USP24: variants seen among roughly 807,000 people sequenced by gnomAD.
The protein encoded by USP24 is ubiquitin carboxyl-terminal hydrolase 24.
In USP24, 97 loss-of-function variants were observed where a neutral mutation model predicts 361.6. That is an observed-to-expected ratio of 0.27 (90% CI 0.23 to 0.32). The LOEUF (loss-of-function observed/expected upper bound fraction) is 0.32, where lower values mean the gene tolerates loss of function less well. Ranked by LOEUF, USP24 falls within the 10% of genes least tolerant of loss-of-function variation. The probability of loss-of-function intolerance (pLI) is 1.00; values close to 1 mark genes in which losing one functional copy is unlikely to be tolerated. For synonymous variants in USP24, 1,098 were observed against 1,124.6 expected (o/e 0.98, Z 0.47); for missense variants, 2,353 against 3,165.6 (o/e 0.74, Z 6.16).
Position 55,142,084 on chromosome 1 carries a change from G to A in USP24, c.2635-353C>T, listed in dbSNP as rs191660924. On this transcript the variant is annotated intron_variant, in intron 23 of 67. Coordinates refer to ENST00000294383, the MANE Select transcript of USP24 (RefSeq NM_015306.3). ...TAGAAGTCACAATTAGGGAAATACC[G>A]TACATATTCTAGCACATATTTATCA... is the stretch of plus-strand genomic sequence containing the variant. Among the ~76,000 whole-genome samples the A allele has an allele frequency of 2.7e-4, 41 of 152,218 alleles. No homozygotes were observed. The East Asian group carries it at 3.9e-3, about 14-fold the overall frequency.
At chr1:55,181,520 C>G (rs976708280) in intron 1 of USP24, among the ~76,000 whole-genome samples, 9 of 152,288 alleles carry the variant, frequency 5.9e-5, no homozygotes, top group Middle Eastern at 3.4e-3. Flanking sequence ...AGTTTTAAAT[C>G]TGCACACATG....
At chr1:55,103,630 G>A (rs759207040) in intron 42 of USP24, among the ~76,000 whole-genome samples, 15 of 152,136 alleles carry the variant, frequency 9.9e-5, no homozygotes, top group Non-Finnish European at 1.9e-4. Context: ...ACTTTTTACT[G>A]AGAATAACTA....
chr1:55,116,980 G>A (rs998549497), intron 38 of USP24, among the ~76,000 whole-genome samples: 1 of 152,092 alleles, frequency 6.6e-6, no homozygotes, highest in African/African-American at 2.4e-5. Context: ...GCATTTAAAG[G>A]ATTACACCCC....
chr1:55,197,091 C>A (rs544797076), intron 1 of USP24, among the ~76,000 whole-genome samples: 1 of 152,348 alleles, frequency 6.6e-6, no homozygotes, highest in African/African-American at 2.4e-5. Context: ...AGGCCTGTTA[C>A]AGAAAACTTT....
chr1:55,109,756 A>G (rs1371178238), intron 39 of USP24, among the ~76,000 whole-genome samples: 3 of 152,164 alleles, frequency 2.0e-5, no homozygotes, highest in Non-Finnish European at 1.5e-5. Flanking sequence ...ATCTCAGCAC[A>G]CTAACAAAAG....
intron 31 of USP24, 42 bp downstream of exon 31, chr1:55,132,503 T>C (rs1646621364): frequency 1.3e-6 from 2 of 1,577,460 alleles, no homozygotes; most frequent in South Asian, 1.2e-5. Flanking sequence ...TAAATCCAAA[T>C]AGACCTGTCA....
At position 55,101,816 on chromosome 1, in the gene USP24, T is replaced by C. The variant is rs542357014; in HGVS notation, c.5026-113A>G. The C allele has an allele frequency of 3.0e-6, 4 of 1,346,362 alleles. No individual in the cohort carries two copies. In the African/African-American group the frequency reaches 6.0e-5, roughly 20 times the overall value. 83.4% of individuals were successfully genotyped at this position (1,346,362 alleles called of 1,614,324 possible). On this transcript the variant is annotated intron_variant, in intron 42 of 67. Coordinates refer to ENST00000294383, the MANE Select transcript of USP24 (RefSeq NM_015306.3). ...TATTCACAGATTTACCCATCCAGCA[T>C]GTTATGAAAGCTATGCTGGCAAAAC...
intron 39 of USP24, among the ~76,000 whole-genome samples, chr1:55,108,147 A>G (rs1645843869): frequency 6.6e-6 from 1 of 152,154 alleles, no homozygotes; most frequent in Non-Finnish European, 1.5e-5. Flanking sequence ...GTGTTACCTG[A>G]ACCAAGGGAG....
chr1:55,193,988 T>C (rs2100888768), intron 1 of USP24, among the ~76,000 whole-genome samples: 1 of 152,272 alleles, frequency 6.6e-6, no homozygotes, highest in South Asian at 2.1e-4. Flanking sequence ...CAATTCCTCC[T>C]AAAATTGGTA....
chr1:55,069,192 TC>T, intron 67 of USP24, 85 bp from the exon 68 acceptor site: 1 of 1,365,194 alleles, frequency 7.3e-7, no homozygotes, highest in South Asian at 1.2e-5. Flanking sequence ...TTTAAACATG[TC>T]TTCATCTGGC....
rs906645182 is a variant in USP24, at chr1:55,072,774, A to G, written c.7602+12T>C. ...CCTATGTTACAGCTAGAAAAATTCA[A>G]TGTTCAGTTACCTTCTTCTGTAGCC... On this transcript the variant is annotated intron_variant, in intron 65 of 67. Coordinates refer to ENST00000294383, the MANE Select transcript of USP24 (RefSeq NM_015306.3). The G allele has an allele frequency of 4.4e-6, 7 of 1,583,184 alleles. No individual in the cohort carries two copies. Among genetic ancestry groups the G allele is most frequent in the African/African-American group, 2.7e-5 (2 of 74,256 alleles).
At chr1:55,185,821 A>C (rs1644115467) in intron 1 of USP24, among the ~76,000 whole-genome samples, 1 of 152,052 alleles carries the variant, frequency 6.6e-6, no homozygotes, top group Admixed American at 6.6e-5. Flanking sequence ...CTCCCAGCTC[A>C]GGCTTCCAAA....
Position 55,124,608 on chromosome 1 carries a change from G to A in USP24, c.3981C>T (p.Phe1327=), listed in dbSNP as rs780782286. Residue 1327 remains phenylalanine, a synonymous_variant, in exon 35 of 68, where the codon TTC becomes TTT. Coordinates refer to ENST00000294383, the MANE Select transcript of USP24 (RefSeq NM_015306.3). ...TCATGAAGCAAGCCACAGTAGAAGT[G>A]AAATCACTTACTTCCATTGTCTAAA... The part of the protein sequence containing the change: ...VAIQTMEVSD[F]TSTVACFMRL... 4 of 1,613,922 alleles carry A rather than the reference G, an allele frequency of 2.5e-6. No individual in the cohort carries two copies. Among genetic ancestry groups the A allele is most frequent in the Non-Finnish European group, 2.5e-6 (3 of 1,179,884 alleles).
At chr1:55,089,450 G>C (rs1645326630) in intron 55 of USP24, among the ~76,000 whole-genome samples, 177 bp downstream of exon 55, 1 of 152,176 alleles carries the variant, frequency 6.6e-6, no homozygotes, top group Non-Finnish European at 1.5e-5. Context: ...ATACTTGCCT[G>C]AGATGATTTT....
At chr1:55,124,650 A>ATG in intron 34 of USP24, 22 bp from the exon 35 acceptor site, 3 of 1,612,740 alleles carry the variant, frequency 1.9e-6, no homozygotes, top group Non-Finnish European at 2.5e-6. Flanking sequence ...AACAAGTATT[A>ATG]TGAGAAAGAG....
rs981737408 is a variant in USP24 at position 55,096,922 on chromosome 1, T to C, written c.5936+30A>G. ...ACGGAGAGCAGGGGAGGGCAGAAAGTGAGTAAGTGCTGCCTCAGGAAACTC... is the reference window on the plus strand; with the variant it reads ...ACGGAGAGCAGGGGAGGGCAGAAAGCGAGTAAGTGCTGCCTCAGGAAACTC... On this transcript the variant is annotated intron_variant, in intron 49 of 67. Coordinates refer to ENST00000294383, the MANE Select transcript of USP24 (RefSeq NM_015306.3). 9 of 1,600,460 alleles carry C rather than the reference T, an allele frequency of 5.6e-6. No homozygotes were observed. The Admixed American group carries it at 1.4e-4, about 24-fold the overall frequency.
chr1:55,155,024 C>T (rs60981409), intron 12 of USP24, among the ~76,000 whole-genome samples: 4 of 148,302 alleles, frequency 2.7e-5, no homozygotes, highest in African/African-American at 5.2e-5. Context: ...AAAAAAAAAA[C>T]CCCATGAGAA....
Position 55,159,006 on chromosome 1 carries a change from C to T in USP24, c.1099G>A (p.Ala367Thr). 1.3e-6 allele frequency: 2 copies of T among 1,574,076 alleles called. No individual in the cohort carries two copies. Among genetic ancestry groups the T allele is most frequent in the Non-Finnish European group, 8.6e-7 (1 of 1,157,710 alleles). Residue 367 changes from alanine to threonine, a missense_variant, in exon 10 of 68, where the codon GCC (alanine) becomes ACC (threonine). Physicochemically the swap from Ala to Thr is moderately conservative, Grantham distance 58. Coordinates refer to ENST00000294383, the MANE Select transcript of USP24 (RefSeq NM_015306.3). ...RLVSIPELLS[A>T]VKLLCMRFQP... ...AAGCGCATGCAAAGTAACTTAACGG[C>T]AGACAAGAGCTCAGGGATGCTAACC...
Position 55,099,779 on chromosome 1 carries a change from A to C in USP24, c.5362T>G (p.Tyr1788Asp). 2 of 1,554,278 alleles carry C rather than the reference A, an allele frequency of 1.3e-6. No individual in the cohort carries two copies. The highest frequency in any genetic ancestry group is 1.7e-6 in the Non-Finnish European group (2 of 1,147,662). Residue 1788 changes from tyrosine to aspartate, a missense_variant, in exon 45 of 68, where the codon TAC becomes GAC. This residue lies in a region of USP24 where 105 missense variants were observed against 200.3 expected (regional missense o/e 0.52). Transcript: ENST00000294383. The part of the protein sequence containing the change: ...FTSLIDQMDE[Y>D]LKKMGRDQIF... ...AGTACAACTTTTACTACCTTGAGGT[A>C]TTCATCCATCTGATCAATGAGACTA...
Sources: gnomAD v4.1 joint callset for allele counts (sites outside exome capture counted in the v4.1 genomes callset) on GRCh38, gnomAD v4.1.1 for gene constraint, gnomAD v4.1.1 regional missense constraint, MANE v1.5 for transcripts, NCBI Gene and HGNC (gene_info 2026-07-23, HGNC 2026-07-21) for gene names.